Variants in SP110 observed in about 807,000 individuals in gnomAD.
The protein encoded by SP110 is SP110 nuclear body protein.
SP110 carries 62 observed loss-of-function variants against 92.7 expected under a neutral mutation model. The observed-to-expected ratio is 0.67, with a 90% CI of 0.55 to 0.83. The LOEUF is 0.83. Ranked by LOEUF, SP110 falls within the 40% of genes least tolerant of loss-of-function variation. The probability of loss-of-function intolerance (pLI) is 0.00; values close to 1 mark genes in which losing one functional copy is unlikely to be tolerated. For synonymous variants in SP110, 273 were observed against 305.3 expected, an observed-to-expected ratio of 0.89 and a Z score of 1.10; for missense variants, 793 against 863.9, an observed-to-expected ratio of 0.92 and a Z score of 1.03.
chr2:230,214,352 C>A (rs530981679), intron 3 of SP110, among the ~76,000 whole-genome samples: 1 of 152,076 alleles, frequency 6.6e-6, no homozygotes, highest in Non-Finnish European at 1.5e-5. Flanking sequence ...TGTCCTTGTC[C>A]GGACTAGTGG....
intron 8 of SP110, chr2:230,202,986 A>G (rs974987815): frequency 2.9e-5 from 15 of 516,796 alleles, no homozygotes; most frequent in African/African-American, 2.7e-4. Flanking sequence ...AAAGCTGGGG[A>G]AATCCTAGAG....
rs115794723 is a variant in SP110 at position 230,211,895 on chromosome 2, T to G, written c.668-342A>C. ...TTTGACAATGCCCAATATCATACCA[T>G]TCTTACGTTTAATGTAATCAAACTC... On this transcript the variant is annotated intron_variant, in intron 5 of 18. Transcript: ENST00000258381. This position sits in a 1 kb window ranked among gnomAD's most constrained non-coding sequence, Gnocchi z 4.2. 8.9e-3 allele frequency among the ~76,000 whole-genome samples: 1,348 copies of G among 152,300 alleles called. 14 individuals are homozygous for G. The highest frequency in any genetic ancestry group is 0.031 in the African/African-American group (1,279 of 41,566).
At chr2:230,209,471 C>G (rs1422743782) in intron 7 of SP110, among the ~76,000 whole-genome samples, 1 of 152,154 alleles carries the variant, frequency 6.6e-6, no homozygotes, top group South Asian at 2.1e-4. Context: ...ATGGTTAAGA[C>G]TCAAAGGAGA....
chr2:230,214,722 T>G (rs1050715014), intron 3 of SP110, among the ~76,000 whole-genome samples: 1 of 152,216 alleles, frequency 6.6e-6, no homozygotes, highest in Non-Finnish European at 1.5e-5. Context: ...TCCAAATTCA[T>G]AGAACACATA....
intron 10 of SP110, among the ~76,000 whole-genome samples, chr2:230,197,875 C>T (rs1230662313): frequency 1.3e-5 from 2 of 152,144 alleles, no homozygotes; most frequent in Non-Finnish European, 2.9e-5. Flanking sequence ...TGGTTTCAAA[C>T]TCCTGGGCTC....
chr2:230,210,992 G>A lies in SP110; in HGVS notation c.751+478C>T, dbSNP rs147615789. ...AGCAATTCACTATTAGGGCCACACA[G>A]TGTTTTTGTTCATTTGCTTTGCATT... On this transcript the variant is annotated intron_variant, in intron 6 of 18. Transcript: ENST00000258381. Among the ~76,000 whole-genome samples, 6 of 152,350 alleles carry A rather than the reference G, an allele frequency of 3.9e-5. No homozygotes were observed. The East Asian group carries it at 1.2e-3, about 29-fold the overall frequency.
chr2:230,172,691 G>A (rs1463157187), intron 15 of SP110, 153 bp downstream of exon 15: 2 of 630,774 alleles, frequency 3.2e-6, no homozygotes, highest in African/African-American at 3.6e-5. Flanking sequence ...GGGGCCAAGA[G>A]GCTCACTGGC....
intron 10 of SP110, 186 bp downstream of exon 10, chr2:230,200,699 T>G: frequency 4.8e-6 from 3 of 627,172 alleles, no homozygotes; most frequent in Non-Finnish European, 8.5e-6. Context: ...TTACATAAAA[T>G]GGACATATAT....
chr2:230,171,226 G>T (rs1414606496), intron 17 of SP110, among the ~76,000 whole-genome samples: 1 of 152,206 alleles, frequency 6.6e-6, no homozygotes, highest in Non-Finnish European at 1.5e-5. Context: ...CTGAGTAGCT[G>T]GGATTAGAGG....
At chr2:230,197,604 A>C (rs2042939247) in intron 10 of SP110, among the ~76,000 whole-genome samples, 1 of 151,580 alleles carries the variant, frequency 6.6e-6, no homozygotes, top group Non-Finnish European at 1.5e-5. Context: ...TGTTTTAGAC[A>C]TGAAGTCCTT....
At chr2:230,194,150 G>A (rs1173346596) in intron 10 of SP110, among the ~76,000 whole-genome samples, 1 of 152,096 alleles carries the variant, frequency 6.6e-6, no homozygotes, top group Non-Finnish European at 1.5e-5. Context: ...AAAAATTAGA[G>A]GGCTTTCCAA....
chr2:230,177,823 C>T (rs927152433), intron 13 of SP110, 143 bp from the exon 14 acceptor site: 16 of 960,908 alleles, frequency 1.7e-5, no homozygotes, highest in Middle Eastern at 2.2e-4. Flanking sequence ...GGGGAGTCTG[C>T]GGGCCTCTTC....
chr2:230,211,526 A>G lies in SP110; in HGVS notation c.695T>C (p.Ile232Thr). 6.2e-7 allele frequency: 1 copy of G among 1,611,342 alleles called. No homozygotes were observed. The highest frequency in any genetic ancestry group is 8.5e-7 in the Non-Finnish European group (1 of 1,177,460). The stretch of plus-strand genomic sequence containing the variant: ...CTCTTGAGGGTCTTCTTTATCTCTT[A>G]TTTGGGGGATCAGGTTGTCACTGGC... ...QVASDNLIPQ[I>T]RDKEDPQEMP... Residue 232 changes from isoleucine to threonine, a missense_variant, in exon 6 of 19, where the codon ATA (isoleucine) becomes ACA (threonine). Coordinates refer to ENST00000258381, the MANE Select transcript of SP110 (RefSeq NM_080424.4). This position sits in a 1 kb window ranked among gnomAD's most constrained non-coding sequence, Gnocchi z 4.2.
intron 12 of SP110, among the ~76,000 whole-genome samples, chr2:230,178,792 T>C (rs899127688): frequency 2.0e-5 from 3 of 152,212 alleles, no homozygotes; most frequent in African/African-American, 7.2e-5. Context: ...CTGGAGAGCT[T>C]TGAACTAATT....
At chr2:230,176,448 C>T (rs977926651) in intron 14 of SP110, 10 of 1,422,174 alleles carry the variant, frequency 7.0e-6, no homozygotes, top group Non-Finnish European at 9.1e-6. Context: ...ATATCCAGAT[C>T]TTTTTCTAAA....
rs41309100 is a variant in SP110 at position 230,211,346 on chromosome 2, G to A, written c.751+124C>T. ...AAGCTCCCAAGTGCTGGGTGAACTG[G>A]AAGCTGGGCCAAGATTGCTGAGAGG... On this transcript the variant is annotated intron_variant, in intron 6 of 18. Transcript: ENST00000258381. This position sits in a 1 kb window ranked among gnomAD's most constrained non-coding sequence, Gnocchi z 4.2. The A allele has an allele frequency of 3.9e-3, 2,923 of 742,820 alleles. 12 individuals are homozygous for A. Among genetic ancestry groups the A allele is most frequent in the Non-Finnish European group, 6.2e-3 (2,519 of 408,832 alleles). 46.0% of individuals were successfully genotyped at this position (742,820 alleles called of 1,614,324 possible).
intron 8 of SP110, among the ~76,000 whole-genome samples, chr2:230,207,141 C>G (rs192400700): frequency 1.3e-4 from 20 of 152,244 alleles, no homozygotes; most frequent in African/African-American, 4.6e-4. Flanking sequence ...CTCAAAGCAG[C>G]AAAGTTTTTT....
In SP110 at chr2:230,211,350, C is replaced by G; in HGVS notation, c.751+120G>C. ...TCCCAAGTGCTGGGTGAACTGGAAG[C>G]TGGGCCAAGATTGCTGAGAGGCAGG... On this transcript the variant is annotated intron_variant, in intron 6 of 18. Coordinates refer to ENST00000258381, the MANE Select transcript of SP110 (RefSeq NM_080424.4). This position sits in a 1 kb window ranked among gnomAD's most constrained non-coding sequence, Gnocchi z 4.2. 1.3e-6 allele frequency: 1 copy of G among 751,478 alleles called. No homozygotes were observed. The highest frequency in any genetic ancestry group is 1.4e-5 in the South Asian group (1 of 70,722). 46.6% of individuals were successfully genotyped at this position (751,478 alleles called of 1,614,324 possible).
chr2:230,175,867 G>A (rs2041833640), intron 14 of SP110, among the ~76,000 whole-genome samples: 1 of 151,970 alleles, frequency 6.6e-6, no homozygotes, highest in African/African-American at 2.4e-5. Context: ...ATGCAATCAT[G>A]GATGATCCTC....
Sources: allele counts gnomAD v4.1 joint callset (sites outside exome capture counted in the v4.1 genomes callset), GRCh38; gene constraint gnomAD v4.1.1; non-coding constraint Gnocchi (gnomAD v3.1); transcripts MANE v1.5; gene names NCBI Gene and HGNC (gene_info 2026-07-23, HGNC 2026-07-21).